The following ADCY8 variants were observed in gnomAD, a reference collection of about 807,000 sequenced individuals.
ADCY8 encodes the protein adenylate cyclase type 8.
A neutral mutation model predicts 119.7 loss-of-function variants in ADCY8; 51 were observed. The ratio of observed to expected loss-of-function variants is 0.43; its 90% CI spans 0.34 to 0.54. The LOEUF is 0.54. Among genes scored for constraint, ADCY8 ranks in the 20% least tolerant of loss-of-function variants. ADCY8 has a pLI of 0.03. For synonymous variants in ADCY8, 665 were observed against 651.0 expected, an observed-to-expected ratio of 1.02 and a Z score of -0.33; for missense variants, 1,383 against 1,598.8, an observed-to-expected ratio of 0.87 and a Z score of 2.30.
At chr8:130,809,094 C>G (rs537241480) in intron 14 of ADCY8, among the ~76,000 whole-genome samples, 10 of 152,204 alleles carry the variant, frequency 6.6e-5, no homozygotes, top group Non-Finnish European at 1.3e-4. Context: ...GTGGGTAACA[C>G]TGCCTTGGAC....
At chr8:131,031,964 A>C (rs1824011198) in intron 1 of ADCY8, among the ~76,000 whole-genome samples, 1 of 152,182 alleles carries the variant, frequency 6.6e-6, no homozygotes, top group Admixed American at 6.5e-5. Context: ...AATCTTGTGC[A>C]TTCAGCGTGT....
At chr8:130,822,506 T>TCATGAATCCATGAATCCATGAATC (rs1279380340) in intron 12 of ADCY8, among the ~76,000 whole-genome samples, 11 of 144,234 alleles carry the variant, frequency 7.6e-5, no homozygotes, top group East Asian at 2.1e-4. Context: ...ATCCATCCAT[T>TCATGAATCCATGAATCCATGAATC]CATGAATCCA....
intron 14 of ADCY8, among the ~76,000 whole-genome samples, chr8:130,803,960 G>A (rs930763304): frequency 4.6e-5 from 7 of 152,216 alleles, no homozygotes; most frequent in African/African-American, 1.7e-4. Context: ...TAGAAAGAGT[G>A]CAGATAGCAG....
At chr8:130,942,031 C>T (rs900999740) in intron 4 of ADCY8, among the ~76,000 whole-genome samples, 1 of 152,096 alleles carries the variant, frequency 6.6e-6, no homozygotes, top group Admixed American at 6.5e-5. Flanking sequence ...TATGTAATCC[C>T]CCAAATCACC....
chr8:130,943,370 C>G lies in ADCY8; in HGVS notation c.1334G>C (p.Arg445Thr), dbSNP rs747804151. The change falls in exon 4 of 18, where the codon AGA (arginine) becomes ACA (threonine). Residue 445 changes from arginine to threonine, a missense_variant. Arg to Thr is a moderately conservative substitution (Grantham distance 71). Coordinates refer to ENST00000286355, the MANE Select transcript of ADCY8 (RefSeq NM_001115.3). Reference protein sequence around the residue: ...LVRMLNELFARFDRLAHEHHC... With the variant: ...LVRMLNELFATFDRLAHEHHC... ...ACTCACATGGGCCAGTCGATCAAAT[C>G]TGGCAAAGAGCTCGTTGAGCATCCT... is the stretch of plus-strand genomic sequence containing the variant. 1.2e-6 allele frequency: 2 copies of G among 1,611,982 alleles called. No individual in the cohort carries two copies. The highest frequency in any genetic ancestry group is 1.3e-5 in the African/African-American group (1 of 74,612).
At chr8:130,871,450 A>C (rs1818351818) in intron 8 of ADCY8, among the ~76,000 whole-genome samples, 1 of 152,242 alleles carries the variant, frequency 6.6e-6, no homozygotes, top group Non-Finnish European at 1.5e-5. Flanking sequence ...GAAAATGGAT[A>C]CAATAATAGG....
intron 1 of ADCY8, among the ~76,000 whole-genome samples, chr8:131,008,491 A>G (rs1029267065): frequency 6.6e-6 from 1 of 152,150 alleles, no homozygotes; most frequent in Non-Finnish European, 1.5e-5. Context: ...GCCTTACACT[A>G]TAATTGTAAG....
rs1361629507 is a variant in ADCY8 at position 130,823,670 on chromosome 8, G to A, written c.2676-2250C>T. ...ATGTATCACAAAAATTAATATTTGA[G>A]TGCTATTCATTACAGAAATATTTAT... On this transcript the variant is annotated intron_variant, in intron 12 of 17. Transcript: ENST00000286355. 2.6e-5 allele frequency among the ~76,000 whole-genome samples: 4 copies of A among 151,988 alleles called. No homozygotes were observed. The East Asian group carries it at 5.8e-4, about 22-fold the overall frequency.
At chr8:130,841,432 G>C in intron 11 of ADCY8, among the ~76,000 whole-genome samples, 1 of 152,268 alleles carries the variant, frequency 6.6e-6, no homozygotes, top group East Asian at 1.9e-4. Context: ...ATATGACAAG[G>C]TGTTAAGGGC....
intron 9 of ADCY8, among the ~76,000 whole-genome samples, chr8:130,855,115 CTCTTT>C (rs1466729221): frequency 5.2e-5 from 4 of 76,306 alleles, no homozygotes; most frequent in African/African-American, 9.8e-5. Flanking sequence ...CTCTCTCTCT[CTCTTT>C]TTTTTTTTTT....
intron 4 of ADCY8, among the ~76,000 whole-genome samples, chr8:130,941,833 GT>G (rs1265518578): frequency 6.6e-6 from 1 of 152,122 alleles, no homozygotes; most frequent in Non-Finnish European, 1.5e-5. Flanking sequence ...CTTTATGCTT[GT>G]TTTCTCCTCT....
chr8:130,926,710 T>A (rs191496403), intron 5 of ADCY8, among the ~76,000 whole-genome samples: 2 of 152,210 alleles, frequency 1.3e-5, no homozygotes, highest in Admixed American at 1.3e-4. Flanking sequence ...AATTGAAATT[T>A]TGTATCTTTT....
intron 15 of ADCY8, among the ~76,000 whole-genome samples, chr8:130,788,209 C>T (rs1433345376): frequency 6.6e-6 from 1 of 152,158 alleles, no homozygotes; most frequent in East Asian, 1.9e-4. Context: ...ATTTCATTTC[C>T]TTTGGGTATA....
At chr8:130,873,388 G>A (rs1345526592) in intron 8 of ADCY8, among the ~76,000 whole-genome samples, 3 of 150,650 alleles carry the variant, frequency 2.0e-5, no homozygotes, top group Admixed American at 2.0e-4. Context: ...GTGTGATCTC[G>A]GCTCAGCGCA....
intron 10 of ADCY8, among the ~76,000 whole-genome samples, chr8:130,848,122 G>T (rs945066068): frequency 6.6e-6 from 1 of 152,142 alleles, no homozygotes; most frequent in African/African-American, 2.4e-5. Context: ...TGAAAAATAC[G>T]AAACTCTGAG....
chr8:130,796,491 G>T (rs1586421533), intron 15 of ADCY8, among the ~76,000 whole-genome samples: 1 of 152,106 alleles, frequency 6.6e-6, no homozygotes. Flanking sequence ...ATGATCTCAG[G>T]TTCCTGTGGT....
At chr8:130,911,508 T>G in intron 5 of ADCY8, among the ~76,000 whole-genome samples, 1 of 132,770 alleles carries the variant, frequency 7.5e-6, no homozygotes, top group Non-Finnish European at 1.7e-5. Flanking sequence ...CACAAACTAT[T>G]AAAAATTTTT....
At chr8:130,987,782 G>T (rs2130736344) in intron 2 of ADCY8, among the ~76,000 whole-genome samples, 1 of 152,174 alleles carries the variant, frequency 6.6e-6, no homozygotes, top group African/African-American at 2.4e-5. Context: ...ATATGAATGG[G>T]ACCTAACGAT....
chr8:130,807,120 C>T (rs1815987298), intron 14 of ADCY8, among the ~76,000 whole-genome samples: 1 of 152,206 alleles, frequency 6.6e-6, no homozygotes, highest in Non-Finnish European at 1.5e-5. Flanking sequence ...GGATTTTGAA[C>T]ATGTGCATGC....
Sources: gnomAD v4.1 joint callset for allele counts (sites outside exome capture counted in the v4.1 genomes callset) on GRCh38, gnomAD v4.1.1 for gene constraint, MANE v1.5 for transcripts, NCBI Gene and HGNC (gene_info 2026-07-23, HGNC 2026-07-21) for gene names.